Variants in BTBD9 observed in about 807,000 individuals in gnomAD.
BTBD9 encodes BTB domain containing 9, also known as BTB/POZ domain-containing protein 9.
Under a neutral mutation model 64.3 loss-of-function variants are expected in BTBD9, and 49 were observed. The ratio of observed to expected loss-of-function variants is 0.76; its 90% CI spans 0.61 to 0.97. The LOEUF (loss-of-function observed/expected upper bound fraction) is 0.97, where lower values mean the gene tolerates loss of function less well. BTBD9 is among the 50% of genes least tolerant of loss of function. The pLI is 0.00. For missense variants in BTBD9, 598 were observed against 762.1 expected (o/e 0.78, Z 2.53); for synonymous variants, 260 against 274.7 (o/e 0.95, Z 0.53).
chr6:38,416,623 C>A (rs1332906673), intron 6 of BTBD9, among the ~76,000 whole-genome samples: 2 of 151,134 alleles, frequency 1.3e-5, no homozygotes, highest in South Asian at 4.2e-4. Flanking sequence ...GGATTACAGG[C>A]ATGAGCCACC....
At chr6:38,234,910 A>G (rs1403109517) in intron 9 of BTBD9, among the ~76,000 whole-genome samples, 4 of 152,270 alleles carry the variant, frequency 2.6e-5, no homozygotes, top group Middle Eastern at 3.2e-3. Context: ...CCTAGTATAA[A>G]GGCTAAGATT....
intron 9 of BTBD9, among the ~76,000 whole-genome samples, chr6:38,211,263 T>A (rs996076036): frequency 1.3e-5 from 2 of 151,456 alleles, no homozygotes; most frequent in Non-Finnish European, 2.9e-5. Flanking sequence ...CCCCGTCTCT[T>A]CTAAAAATAC....
chr6:38,321,589 G>A (rs1370770431), intron 7 of BTBD9, among the ~76,000 whole-genome samples: 1 of 152,084 alleles, frequency 6.6e-6, no homozygotes, highest in African/African-American at 2.4e-5. Flanking sequence ...AAAGAAAACT[G>A]TTCTGGAAGA....
At chr6:38,507,387 A>T (rs1302408275) in intron 6 of BTBD9, among the ~76,000 whole-genome samples, 1 of 152,198 alleles carries the variant, frequency 6.6e-6, no homozygotes, top group East Asian at 1.9e-4. Flanking sequence ...GCAATTCTTC[A>T]ACCCCTCCAC....
At chr6:38,442,427 G>A (rs1393156123) in intron 6 of BTBD9, among the ~76,000 whole-genome samples, 1 of 152,012 alleles carries the variant, frequency 6.6e-6, no homozygotes, top group Non-Finnish European at 1.5e-5. Context: ...CCAAGATCAC[G>A]CCACTGCATT....
intron 6 of BTBD9, among the ~76,000 whole-genome samples, chr6:38,454,269 G>A (rs1449649672): frequency 2.0e-5 from 3 of 151,916 alleles, no homozygotes; most frequent in Non-Finnish European, 2.9e-5. Flanking sequence ...AAAAACGGGG[G>A]AAATATATTA....
chr6:38,230,744 G>A (rs1409945209), intron 9 of BTBD9, among the ~76,000 whole-genome samples: 1 of 152,034 alleles, frequency 6.6e-6, no homozygotes, highest in Non-Finnish European at 1.5e-5. Context: ...CCTCTTCAGG[G>A]CCTTAACTAT....
intron 6 of BTBD9, among the ~76,000 whole-genome samples, chr6:38,441,404 A>G (rs1425083724): frequency 2.0e-5 from 3 of 151,818 alleles, no homozygotes; most frequent in Non-Finnish European, 4.4e-5. Context: ...CAGAGAAGAA[A>G]CTTATCACCT....
intron 7 of BTBD9, among the ~76,000 whole-genome samples, chr6:38,302,485 GTATATATATATATATA>G (rs59324806): frequency 0.013 from 1,366 of 106,796 alleles, 72 homozygotes; most frequent in African/African-American, 0.04. Context: ...TTGTGTGTAT[GTATATATATATATATA>G]TATATATATA....
Position 38,171,976 on chromosome 6 carries a change from G to A in BTBD9, c.*3009C>T, listed in dbSNP as rs1177871316. Reference sequence around the variant, plus strand: ...TTGCCTGGGTGGTGGTGACCATGGCGCCCTTGTGTCCTTTCCATTGGTTAC... The same window carrying A: ...TTGCCTGGGTGGTGGTGACCATGGCACCCTTGTGTCCTTTCCATTGGTTAC... On this transcript the variant is annotated 3_prime_UTR_variant, in exon 11 of 11. Coordinates refer to ENST00000481247, the MANE Select transcript of BTBD9 (RefSeq NM_001099272.2). 2.6e-5 allele frequency: 4 copies of A among 151,556 alleles called. No individual in the cohort carries two copies. The highest frequency in any genetic ancestry group is 2.1e-4 in the South Asian group (1 of 4,778). 9.4% of individuals were successfully genotyped at this position (151,556 alleles called of 1,614,324 possible).
intron 9 of BTBD9, among the ~76,000 whole-genome samples, chr6:38,208,340 A>G (rs1582052319): frequency 6.6e-6 from 1 of 152,148 alleles, no homozygotes; most frequent in Non-Finnish European, 1.5e-5. Flanking sequence ...TGTCCCTCCA[A>G]GCATGCTGCT....
At chr6:38,271,142 A>C (rs1765184156) in intron 8 of BTBD9, among the ~76,000 whole-genome samples, 1 of 152,222 alleles carries the variant, frequency 6.6e-6, no homozygotes. Context: ...CTTTAGCAGC[A>C]GAATCTCTTT....
chr6:38,415,731 G>A (rs939073200), intron 6 of BTBD9, among the ~76,000 whole-genome samples: 1 of 152,024 alleles, frequency 6.6e-6, no homozygotes, highest in Non-Finnish European at 1.5e-5. Flanking sequence ...TTATTGCAAC[G>A]TGATAATATT....
intron 6 of BTBD9, among the ~76,000 whole-genome samples, chr6:38,557,079 T>A (rs1404649543): frequency 1.7e-5 from 2 of 114,686 alleles, no homozygotes; most frequent in African/African-American, 6.7e-5. Flanking sequence ...GTGGCTCACA[T>A]CCTCACATCT....
At chr6:38,266,678 G>GA (rs138593243) in intron 8 of BTBD9, among the ~76,000 whole-genome samples, 77 of 133,098 alleles carry the variant, frequency 5.8e-4, no homozygotes, top group Non-Finnish European at 9.6e-4. Flanking sequence ...AAGAAAGAAA[G>GA]AAGAAAAAGA....
At chr6:38,453,100 A>G (rs1769631685) in intron 6 of BTBD9, among the ~76,000 whole-genome samples, 1 of 152,196 alleles carries the variant, frequency 6.6e-6, no homozygotes, top group Non-Finnish European at 1.5e-5. Flanking sequence ...AAGACCACAG[A>G]CAATAGTTTG....
intron 6 of BTBD9, among the ~76,000 whole-genome samples, chr6:38,479,822 G>A (rs1000132350): frequency 3.3e-5 from 5 of 152,054 alleles, no homozygotes; most frequent in Non-Finnish European, 5.9e-5. Context: ...TCCACCTCTC[G>A]GGCTCAAGCA....
At chr6:38,425,500 G>C (rs1460255388) in intron 6 of BTBD9, among the ~76,000 whole-genome samples, 1 of 151,814 alleles carries the variant, frequency 6.6e-6, no homozygotes, top group Non-Finnish European at 1.5e-5. Context: ...AAAAATGAGA[G>C]GAATTATGTG....
At chr6:38,517,993 T>A (rs1443019266) in intron 6 of BTBD9, among the ~76,000 whole-genome samples, 1 of 152,112 alleles carries the variant, frequency 6.6e-6, no homozygotes, top group East Asian at 1.9e-4. Context: ...AAGAAATCAT[T>A]AAAACGCACA....
Sources: gnomAD v4.1 joint callset for allele counts (sites outside exome capture counted in the v4.1 genomes callset) on GRCh38, gnomAD v4.1.1 for gene constraint, MANE v1.5 for transcripts, NCBI Gene and HGNC (gene_info 2026-07-23, HGNC 2026-07-21) for gene names.